TMCC1: variants seen among roughly 807,000 people sequenced by gnomAD.
The protein encoded by TMCC1 is transmembrane and coiled-coil domain family 1, also known as transmembrane and coiled-coil domains protein 1.
TMCC1 carries 15 observed loss-of-function variants against 52.4 expected under a neutral mutation model. That is an observed-to-expected ratio of 0.29 (90% confidence interval 0.19 to 0.44). The LOEUF (loss-of-function observed/expected upper bound fraction) is 0.44, where lower values mean the gene tolerates loss of function less well. Among genes scored for constraint, TMCC1 ranks in the 20% least tolerant of loss-of-function variants. The pLI is 1.00. For synonymous variants in TMCC1, 279 were observed against 301.9 expected, an observed-to-expected ratio of 0.92 and a Z score of 0.79; for missense variants, 503 against 806.0, an observed-to-expected ratio of 0.62 and a Z score of 4.55.
At chr3:129,744,205 TGGTAGCA>T (rs1332289174) in intron 4 of TMCC1, among the ~76,000 whole-genome samples, 1 of 152,228 alleles carries the variant, frequency 6.6e-6, no homozygotes, top group Non-Finnish European at 1.5e-5. Context: ...CAAGGAGCTC[TGGTAGCA>T]ATTTCAAGGG....
At chr3:129,680,875 G>T (rs1485037511) in intron 4 of TMCC1, among the ~76,000 whole-genome samples, 1 of 151,328 alleles carries the variant, frequency 6.6e-6, no homozygotes, top group Non-Finnish European at 1.5e-5. Flanking sequence ...ACTCCAGCCT[G>T]GGTGATAGAG....
intron 4 of TMCC1, among the ~76,000 whole-genome samples, chr3:129,729,370 GTTT>G (rs1396096304): frequency 9.9e-5 from 15 of 152,140 alleles, no homozygotes; most frequent in Non-Finnish European, 1.9e-4. Context: ...TTTGTTGTCT[GTTT>G]TAAAGAATCT....
At chr3:129,845,983 G>A (rs1413894854) in intron 2 of TMCC1, among the ~76,000 whole-genome samples, 2 of 151,830 alleles carry the variant, frequency 1.3e-5, no homozygotes, top group African/African-American at 4.8e-5. Context: ...GCAGTGAGCC[G>A]TGTTCACATC....
In TMCC1 at chr3:129,647,956, T is replaced by C. The variant is rs2108828108; in HGVS notation, c.*3525A>G. ...CACACGTTCACAAGTGTCATTTCTT[T>C]ACGTTTCAATTCGTGCAAGTGAGTT... On this transcript the variant is annotated 3_prime_UTR_variant, in exon 7 of 7. Transcript: ENST00000393238. 6.5e-6 allele frequency: 1 copy of C among 152,814 alleles called. No individual in the cohort carries two copies. Among genetic ancestry groups the C allele is most frequent in the Admixed American group, 6.5e-5 (1 of 15,310 alleles). 9.5% of individuals were successfully genotyped at this position (152,814 alleles called of 1,614,324 possible).
rs1457422521 is a variant in TMCC1, at chr3:129,690,423, C to A, written c.577-19159G>T. 2.6e-5 allele frequency among the ~76,000 whole-genome samples: 4 copies of A among 151,958 alleles called. No homozygotes were observed. In the East Asian group the frequency reaches 7.7e-4, roughly 29 times the overall value. On this transcript the variant is annotated intron_variant, in intron 4 of 6. Coordinates refer to ENST00000393238, the MANE Select transcript of TMCC1 (RefSeq NM_001017395.5). ...TCCCTGGGTAGGTACAGTATTTAAT[C>A]TTTTGTAAGATTAATGTTTGTTACA...
At chr3:129,780,409 T>C (rs999115130) in intron 4 of TMCC1, among the ~76,000 whole-genome samples, 2 of 152,086 alleles carry the variant, frequency 1.3e-5, no homozygotes, top group Non-Finnish European at 2.9e-5. Flanking sequence ...CATTTGACAC[T>C]AAGCACCACC....
chr3:129,654,738 A>G (rs1373854317), intron 6 of TMCC1, among the ~76,000 whole-genome samples: 3 of 152,224 alleles, frequency 2.0e-5, no homozygotes, highest in Non-Finnish European at 4.4e-5. Context: ...CACTGAGATT[A>G]CTGTGATCCT....
chr3:129,676,959 TA>T (rs539621109), intron 4 of TMCC1, among the ~76,000 whole-genome samples: 418 of 152,230 alleles, frequency 2.7e-3, no homozygotes, highest in Middle Eastern at 0.014. Flanking sequence ...TACCTATTTG[TA>T]ACTAGAAAAA....
chr3:129,716,501 A>AT lies in TMCC1; in HGVS notation c.577-45238dup, dbSNP rs563370963. Among the ~76,000 whole-genome samples the AT allele has an allele frequency of 9.8e-3, 1,227 of 124,830 alleles. 6 individuals are homozygous for AT. Among genetic ancestry groups the AT allele is most frequent in the African/African-American group, 0.019 (613 of 32,362 alleles). 81.9% of individuals were successfully genotyped at this position (124,830 alleles called of 152,430 possible). A position where few individuals can be genotyped will look rare whatever the true frequency, so the allele number is the denominator to read the frequency against. On this transcript the variant is annotated intron_variant, in intron 4 of 6. Transcript: ENST00000393238. ...AGGTGCCTGCCACCACACCCAGCTA[A>AT]TTTTTTTTTTTTTTTTTTTGTACTT...
intron 2 of TMCC1, among the ~76,000 whole-genome samples, chr3:129,867,300 T>C (rs2060697973): frequency 6.6e-6 from 1 of 152,192 alleles, no homozygotes; most frequent in Non-Finnish European, 1.5e-5. Flanking sequence ...TTCATCCATG[T>C]TATTTTTCAT....
At position 129,741,103 on chromosome 3, in the gene TMCC1, T is replaced by A. The variant is rs965873895; in HGVS notation, c.577-69839A>T. Reference sequence around the variant, plus strand: ...TCCATACCCACCCACCAGGATCTATTATCTTTCAAGCAAAAATCATGGTGA... The same window carrying A: ...TCCATACCCACCCACCAGGATCTATAATCTTTCAAGCAAAAATCATGGTGA... On this transcript the variant is annotated intron_variant, in intron 4 of 6. Transcript: ENST00000393238. Among the ~76,000 whole-genome samples the A allele has an allele frequency of 4.6e-5, 7 of 152,256 alleles. No homozygotes were observed. In the South Asian group the frequency reaches 1.4e-3, roughly 32 times the overall value.
At chr3:129,802,180 T>C (rs945116794) in intron 4 of TMCC1, among the ~76,000 whole-genome samples, 5 of 152,244 alleles carry the variant, frequency 3.3e-5, no homozygotes, top group African/African-American at 1.2e-4. Context: ...TAAGATTGCA[T>C]AAACTGTAAA....
At chr3:129,751,539 A>G (rs1162067482) in intron 4 of TMCC1, among the ~76,000 whole-genome samples, 3 of 150,296 alleles carry the variant, frequency 2.0e-5, no homozygotes, top group African/African-American at 7.3e-5. Flanking sequence ...CTTCAAACCA[A>G]CCAACCAACC....
chr3:129,676,308 C>A (rs1401690724), intron 4 of TMCC1, among the ~76,000 whole-genome samples: 1 of 151,848 alleles, frequency 6.6e-6, no homozygotes, highest in Non-Finnish European at 1.5e-5. Context: ...AAAAATCAGT[C>A]AGTTAAATAT....
Position 129,688,569 on chromosome 3 carries a change from C to T in TMCC1, c.577-17305G>A, listed in dbSNP as rs1004844332. The T allele has an allele frequency of 5.1e-6, 5 of 985,448 alleles. No homozygotes were observed. The African/African-American group carries it at 7.0e-5, about 14-fold the overall frequency. 61.0% of individuals were successfully genotyped at this position (985,448 alleles called of 1,614,324 possible). A position where few individuals can be genotyped will look rare whatever the true frequency, so the allele number is the denominator to read the frequency against. On this transcript the variant is annotated intron_variant, in intron 4 of 6. Transcript: ENST00000393238. ...ATAGCCAATCCTCCGCAGTGCCCAC[C>T]TCAGCCTATGTATAGTTTCAATTCT... is the stretch of plus-strand genomic sequence containing the variant.
chr3:129,814,517 T>C (rs1279652223), intron 4 of TMCC1, among the ~76,000 whole-genome samples: 5 of 152,056 alleles, frequency 3.3e-5, no homozygotes, highest in Non-Finnish European at 5.9e-5. Flanking sequence ...AACCAGAATA[T>C]GCAATAAAAT....
chr3:129,768,676 T>G (rs1232964027), intron 4 of TMCC1, among the ~76,000 whole-genome samples: 1 of 152,226 alleles, frequency 6.6e-6, no homozygotes, highest in African/African-American at 2.4e-5. Context: ...AAAATGAGGA[T>G]AAAATATAAC....
At chr3:129,874,767 G>A (rs1182209530) in intron 2 of TMCC1, among the ~76,000 whole-genome samples, 1 of 152,092 alleles carries the variant, frequency 6.6e-6, no homozygotes, top group Non-Finnish European at 1.5e-5. Flanking sequence ...TGAGGTGGGA[G>A]GATGGCTTGA....
chr3:129,701,069 G>A (rs776088655), intron 4 of TMCC1, among the ~76,000 whole-genome samples: 25 of 152,110 alleles, frequency 1.6e-4, no homozygotes, highest in Admixed American at 1.2e-3. Context: ...GGATCCAGTG[G>A]GGAAAACTGT....
Sources: allele counts gnomAD v4.1 joint callset (sites outside exome capture counted in the v4.1 genomes callset), GRCh38; gene constraint gnomAD v4.1.1; transcripts MANE v1.5; gene names NCBI Gene and HGNC (gene_info 2026-07-23, HGNC 2026-07-21).